The following TNIP3 variants were observed in gnomAD, a reference collection of about 807,000 sequenced individuals.
The protein encoded by TNIP3 is TNFAIP3-interacting protein 3.
In TNIP3, 34 loss-of-function variants were observed where a neutral mutation model predicts 54.1. That is an observed-to-expected ratio of 0.63 (90% confidence interval 0.48 to 0.84). TNIP3 has a LOEUF of 0.84. Ranked by LOEUF, TNIP3 falls within the 40% of genes least tolerant of loss-of-function variation. The pLI is 0.00. For synonymous variants in TNIP3, 134 were observed against 136.8 expected (o/e 0.98, Z 0.14); for missense variants, 366 against 387.6 (o/e 0.94, Z 0.47).
rs913656810 is a variant in TNIP3, at chr4:121,203,859, C to T, written c.68+12556G>A. Among the ~76,000 whole-genome samples, 121 of 150,524 alleles carry T rather than the reference C, an allele frequency of 8.0e-4. 2 individuals carry two copies. Among genetic ancestry groups the T allele is most frequent in the Non-Finnish European group, 2.2e-4 (15 of 67,716 alleles). ...ATTAACATCATTCTTCCATATTTTT[C>T]TCTGTGTTTATACAAATATAAGTAG... is the stretch of plus-strand genomic sequence containing the variant. On this transcript the variant is annotated intron_variant, in intron 2 of 12. Coordinates refer to the TNIP3 transcript ENST00000507879.
intron 2 of TNIP3, among the ~76,000 whole-genome samples, chr4:121,211,578 A>G (rs1726481348): frequency 6.6e-6 from 1 of 152,236 alleles, no homozygotes; most frequent in Non-Finnish European, 1.5e-5. Flanking sequence ...AATTCCTGTC[A>G]GAGTAGCACA....
upstream of TNIP3, among the ~76,000 whole-genome samples, chr4:121,216,807 T>C (rs1726813571): frequency 1.3e-5 from 2 of 152,162 alleles, no homozygotes; most frequent in Non-Finnish European, 2.9e-5. Context: ...TTCTAATACA[T>C]AGAGCATGAA....
Position 121,164,168 on chromosome 4 carries a change from CA to C in TNIP3, c.-44del, listed in dbSNP as rs1730630221. 1 of 1,612,514 alleles carries C rather than the reference CA, an allele frequency of 6.2e-7. No individual in the cohort carries two copies. The highest frequency in any genetic ancestry group is 8.5e-7 in the Non-Finnish European group (1 of 1,179,332). ...GAGTCTTGGAAAGCAGAAAGAAAAACAGGGGAAAAGTCTCTTAAGGTATATT... is the reference window on the plus strand; with the variant it reads ...GAGTCTTGGAAAGCAGAAAGAAAAACGGGGAAAAGTCTCTTAAGGTATATT... On this transcript the variant is annotated 5_prime_UTR_variant, in exon 1 of 11. Coordinates refer to ENST00000057513, the MANE Select transcript of TNIP3 (RefSeq NM_024873.6).
At chr4:121,163,778 A>G (rs2148816858) in intron 1 of TNIP3, among the ~76,000 whole-genome samples, 1 of 152,322 alleles carries the variant, frequency 6.6e-6, no homozygotes, top group South Asian at 2.1e-4. Flanking sequence ...CCAATATAGT[A>G]TTCTTTTAAG....
chr4:121,196,291 T>A (rs958340335), intron 2 of TNIP3, among the ~76,000 whole-genome samples: 2 of 152,244 alleles, frequency 1.3e-5, no homozygotes, highest in African/African-American at 4.8e-5. Context: ...ATTTTAAACC[T>A]GTGTTTGTAA....
At chr4:121,223,627 T>C (rs1040236924) in intron 1 of TNIP3, among the ~76,000 whole-genome samples, 4 of 152,122 alleles carry the variant, frequency 2.6e-5, no homozygotes, top group African/African-American at 9.7e-5. Context: ...TAAAAATGCC[T>C]CATTATCACA....
chr4:121,224,975 T>C (rs1727197323), intron 1 of TNIP3, among the ~76,000 whole-genome samples: 1 of 152,204 alleles, frequency 6.6e-6, no homozygotes, highest in Non-Finnish European at 1.5e-5. Context: ...GTAATCTATA[T>C]ATCTATATTT....
At chr4:121,168,521 CTTT>C (rs35307961), upstream of TNIP3, among the ~76,000 whole-genome samples, 1 of 132,344 alleles carries the variant, frequency 7.6e-6, no homozygotes. Flanking sequence ...CTTTTCTTTG[CTTT>C]TTTTTTTTTT....
chr4:121,180,410 A>T lies in TNIP3; in HGVS notation c.189+2266T>A, dbSNP rs561648682. Among the ~76,000 whole-genome samples, 78 of 152,178 alleles carry T rather than the reference A, an allele frequency of 5.1e-4. 1 individual carries two copies. The highest frequency in any genetic ancestry group is 8.5e-4 in the Non-Finnish European group (58 of 68,034). On this transcript the variant is annotated intron_variant, in intron 3 of 12. Coordinates refer to the TNIP3 transcript ENST00000507879. ...GCGAGACTCCGCCTCAGAAAAAAAA[A>T]ATTATAGATGTCAGAGGAGTAAGAT...
At chr4:121,211,973 C>G (rs115748565) in intron 2 of TNIP3, among the ~76,000 whole-genome samples, 1 of 152,186 alleles carries the variant, frequency 6.6e-6, no homozygotes, top group Admixed American at 6.5e-5. Flanking sequence ...AGTCTCTAGA[C>G]ACACAAATTT....
intron 2 of TNIP3, among the ~76,000 whole-genome samples, chr4:121,213,649 C>A (rs1275227828): frequency 2.0e-5 from 3 of 151,434 alleles, no homozygotes; most frequent in Non-Finnish European, 2.9e-5. Flanking sequence ...ATGGCATGAA[C>A]CCTGGAGGTG....
At chr4:121,223,887 C>T (rs1727149123) in intron 1 of TNIP3, among the ~76,000 whole-genome samples, 1 of 152,180 alleles carries the variant, frequency 6.6e-6, no homozygotes, top group African/African-American at 2.4e-5. Context: ...AAAAAACATA[C>T]ATTATTACTA....
chr4:121,141,396 T>A (rs192004390), intron 9 of TNIP3, among the ~76,000 whole-genome samples: 179 of 152,334 alleles, frequency 1.2e-3, no homozygotes, highest in African/African-American at 4.1e-3. Flanking sequence ...AATGTCAAAA[T>A]CTATTTTGCA....
chr4:121,187,100 T>C (rs1160977022), intron 2 of TNIP3, among the ~76,000 whole-genome samples: 1 of 152,216 alleles, frequency 6.6e-6, no homozygotes, highest in African/African-American at 2.4e-5. Context: ...TAACTAAAGT[T>C]GGAAAATCCT....
intron 1 of TNIP3, among the ~76,000 whole-genome samples, chr4:121,226,963 T>C (rs1458282219): frequency 6.6e-6 from 1 of 152,162 alleles, no homozygotes; most frequent in African/African-American, 2.4e-5. Context: ...TCAAGATTGT[T>C]CAACCCTGTA....
intron 7 of TNIP3, among the ~76,000 whole-genome samples, chr4:121,143,640 A>T (rs1729256071): frequency 6.6e-6 from 1 of 152,172 alleles, no homozygotes; most frequent in African/African-American, 2.4e-5. Context: ...TGAATATTGA[A>T]CCACTGCTCC....
intron 2 of TNIP3, among the ~76,000 whole-genome samples, chr4:121,207,788 A>G (rs1286489079): frequency 6.6e-6 from 1 of 152,208 alleles, no homozygotes; most frequent in Non-Finnish European, 1.5e-5. Flanking sequence ...ACTTTGGAAG[A>G]ATTTAGTTTA....
At chr4:121,196,624 T>C (rs1421465070) in intron 2 of TNIP3, among the ~76,000 whole-genome samples, 2 of 151,756 alleles carry the variant, frequency 1.3e-5, no homozygotes, top group African/African-American at 2.4e-5. Context: ...ATGAAAAAAA[T>C]TAACAATTGC....
chr4:121,141,618 C>T (rs754663217), intron 9 of TNIP3, among the ~76,000 whole-genome samples, 198 bp downstream of exon 9: 9 of 152,102 alleles, frequency 5.9e-5, no homozygotes, highest in Non-Finnish European at 1.2e-4. Flanking sequence ...TTAATTTATT[C>T]GTATCTATGT....
Sources: gnomAD v4.1 joint callset for allele counts (sites outside exome capture counted in the v4.1 genomes callset) on GRCh38, gnomAD v4.1.1 for gene constraint, MANE v1.5 for transcripts, NCBI Gene and HGNC (gene_info 2026-07-23, HGNC 2026-07-21) for gene names.